Variants in SPMIP2 observed in about 807,000 individuals in gnomAD.
SPMIP2 encodes the protein sperm microtubule inner protein 2.
chr4:159,052,161 G>T, the SPMIP2 span, among the ~76,000 whole-genome samples: 1 of 152,166 alleles, frequency 6.6e-6, no homozygotes, highest in African/African-American at 2.4e-5. Context: ...TAAAGCAGAC[G>T]TCTCACACTG....
chr4:159,054,148 A>AT, the SPMIP2 span, among the ~76,000 whole-genome samples: 8 of 151,234 alleles, frequency 5.3e-5, no homozygotes, highest in Admixed American at 4.6e-4. Flanking sequence ...CACCTGGTTA[A>AT]TTTTTTTTTA....
At chr4:159,078,513 T>C in the SPMIP2 span, among the ~76,000 whole-genome samples, 2 of 152,242 alleles carry the variant, frequency 1.3e-5, no homozygotes, top group Admixed American at 6.5e-5. Context: ...GCCAATATTT[T>C]TCATATAAGC....
the SPMIP2 span, chr4:159,026,319 TA>T: frequency 1.6e-6 from 1 of 614,952 alleles, no homozygotes; most frequent in Non-Finnish European, 3.1e-6. Flanking sequence ...AGTTTTCTCG[TA>T]CCCTGGGAGA....
At chr4:158,904,768 T>G in the SPMIP2 span, 1 of 509,638 alleles carries the variant, frequency 2.0e-6, no homozygotes, top group Non-Finnish European at 3.5e-6. Context: ...TTTAGGCCAT[T>G]TGTTACCCAT....
At chr4:158,984,492 T>A in the SPMIP2 span, among the ~76,000 whole-genome samples, 1 of 150,710 alleles carries the variant, frequency 6.6e-6, no homozygotes, top group Admixed American at 6.6e-5. Context: ...TGAAAACCGC[T>A]CAACTACATG....
At chr4:158,973,481 T>A in the SPMIP2 span, among the ~76,000 whole-genome samples, 1 of 152,170 alleles carries the variant, frequency 6.6e-6, no homozygotes. Context: ...TTATTTATAA[T>A]TAATAATTCT....
chr4:159,013,505 G>C, the SPMIP2 span, among the ~76,000 whole-genome samples: 1 of 152,178 alleles, frequency 6.6e-6, no homozygotes, highest in Non-Finnish European at 1.5e-5. Context: ...TGTCTGGTAG[G>C]AGCCCACCTT....
chr4:159,006,411 C>T, the SPMIP2 span, among the ~76,000 whole-genome samples: 1 of 152,190 alleles, frequency 6.6e-6, no homozygotes, highest in Non-Finnish European at 1.5e-5. Flanking sequence ...CCACACCCTG[C>T]CAATGCAATG....
At chr4:159,052,980 G>A in the SPMIP2 span, among the ~76,000 whole-genome samples, 2 of 127,476 alleles carry the variant, frequency 1.6e-5, no homozygotes, top group African/African-American at 3.0e-5. Context: ...TTTTTGAGAC[G>A]GAGTCTCGCT....
chr4:159,066,322 T>C, the SPMIP2 span, among the ~76,000 whole-genome samples: 2 of 152,080 alleles, frequency 1.3e-5, no homozygotes, highest in South Asian at 4.1e-4. Flanking sequence ...TGCAATCCTA[T>C]GGAAGATGTG....
the SPMIP2 span, among the ~76,000 whole-genome samples, chr4:159,012,983 G>T: frequency 6.6e-6 from 1 of 152,196 alleles, no homozygotes; most frequent in Non-Finnish European, 1.5e-5. Context: ...TTACAGGAAA[G>T]CAAATTAACT....
chr4:159,061,652 A>T, the SPMIP2 span, among the ~76,000 whole-genome samples: 1 of 152,084 alleles, frequency 6.6e-6, no homozygotes, highest in Non-Finnish European at 1.5e-5. Flanking sequence ...TACTAAAAAT[A>T]CAAAAAAAAT....
the SPMIP2 span, among the ~76,000 whole-genome samples, chr4:159,067,333 C>A: frequency 6.6e-6 from 1 of 152,180 alleles, no homozygotes; most frequent in Middle Eastern, 3.4e-3. Context: ...CAATGTCCGC[C>A]TCCTGGGTTC....
chr4:159,055,748 C>T, the SPMIP2 span, among the ~76,000 whole-genome samples: 3 of 151,830 alleles, frequency 2.0e-5, no homozygotes, highest in South Asian at 2.1e-4. Context: ...ATATAAAAAA[C>T]GAAAAACAAA....
At chr4:159,074,798 T>C in the SPMIP2 span, among the ~76,000 whole-genome samples, 1 of 152,152 alleles carries the variant, frequency 6.6e-6, no homozygotes, top group Non-Finnish European at 1.5e-5. Context: ...TGTTAAGAAT[T>C]TGTATCAACC....
the SPMIP2 span, among the ~76,000 whole-genome samples, chr4:159,037,981 TTC>T: frequency 1.3e-3 from 192 of 147,074 alleles, no homozygotes; most frequent in Admixed American, 1.6e-3. Flanking sequence ...CTCTCTCTCT[TTC>T]TCTCTCTCTC....
chr4:158,990,912 T>C, the SPMIP2 span, among the ~76,000 whole-genome samples: 82 of 152,286 alleles, frequency 5.4e-4, no homozygotes, highest in African/African-American at 1.9e-3. Flanking sequence ...AAATTCATTT[T>C]TTAAAAAGAG....
chr4:158,923,605 A>G, the SPMIP2 span, among the ~76,000 whole-genome samples: 1 of 152,130 alleles, frequency 6.6e-6, no homozygotes, highest in African/African-American at 2.4e-5. Flanking sequence ...GTTGTAATAG[A>G]TTTTATGTAG....
At chr4:159,035,752 C>T in the SPMIP2 span, among the ~76,000 whole-genome samples, 2 of 152,178 alleles carry the variant, frequency 1.3e-5, no homozygotes, top group Non-Finnish European at 1.5e-5. Flanking sequence ...ATTTGCTCTT[C>T]CTGTAATGTT....
Sources: gnomAD v4.1 joint callset for allele counts (sites outside exome capture counted in the v4.1 genomes callset) on GRCh38, gnomAD v4.1.1 for gene constraint, MANE v1.5 for transcripts, NCBI Gene and HGNC (gene_info 2026-07-23, HGNC 2026-07-21) for gene names.